The following ATXN1 variants were observed in gnomAD, a reference collection of about 807,000 sequenced individuals.
ATXN1 encodes ataxin 1.
A neutral mutation model predicts 56.4 loss-of-function variants in ATXN1; 8 were observed. The ratio of observed to expected loss-of-function variants is 0.14; its 90% confidence interval spans 0.08 to 0.26. The LOEUF is 0.26. Ranked by LOEUF, ATXN1 falls within the 10% of genes least tolerant of loss-of-function variation. The probability of loss-of-function intolerance (pLI) is 1.00; values close to 1 mark genes in which losing one functional copy is unlikely to be tolerated. For synonymous variants in ATXN1, 514 were observed against 494.6 expected (o/e 1.04, Z -0.52); for missense variants, 987 against 1,106.5 (o/e 0.89, Z 1.53).
intron 4 of ATXN1, among the ~76,000 whole-genome samples, chr6:16,569,038 T>C (rs1180539179): frequency 6.6e-6 from 1 of 152,118 alleles, no homozygotes. Flanking sequence ...TGAAGTAAAG[T>C]AGAAGCAGGT....
chr6:16,598,244 G>C (rs1762851271), intron 3 of ATXN1, among the ~76,000 whole-genome samples: 1 of 152,142 alleles, frequency 6.6e-6, no homozygotes, highest in South Asian at 2.1e-4. Context: ...TGCCGGAACG[G>C]GTTGCCAATG....
intron 2 of ATXN1, among the ~76,000 whole-genome samples, chr6:16,679,417 T>A: frequency 6.7e-6 from 1 of 148,736 alleles, no homozygotes; most frequent in Non-Finnish European, 1.5e-5. Flanking sequence ...GATGGAAGAA[T>A]ACAAGGGAGG....
chr6:16,338,739 T>G (rs1761180290), intron 6 of ATXN1, among the ~76,000 whole-genome samples: 1 of 152,210 alleles, frequency 6.6e-6, no homozygotes, highest in Non-Finnish European at 1.5e-5. Context: ...CTCCTGGCCA[T>G]GATGTAATCA....
intron 4 of ATXN1, among the ~76,000 whole-genome samples, chr6:16,540,851 C>A (rs753371914): frequency 6.6e-6 from 1 of 152,066 alleles, no homozygotes; most frequent in Non-Finnish European, 1.5e-5. Flanking sequence ...TGTTCAATAC[C>A]GTGTTCATAG....
chr6:16,349,493 C>A (rs576861971), intron 6 of ATXN1, among the ~76,000 whole-genome samples: 1 of 151,466 alleles, frequency 6.6e-6, no homozygotes, highest in African/African-American at 2.4e-5. Context: ...CAGAGCGAGA[C>A]TGTGTCTCAA....
chr6:16,378,530 C>G (rs1762189242), intron 6 of ATXN1, among the ~76,000 whole-genome samples: 1 of 148,224 alleles, frequency 6.7e-6, no homozygotes, highest in Non-Finnish European at 1.5e-5. Flanking sequence ...CTGGGCCCCT[C>G]TCTTGACTTT....
chr6:16,651,088 G>A (rs1213663538), intron 3 of ATXN1, among the ~76,000 whole-genome samples: 1 of 152,164 alleles, frequency 6.6e-6, no homozygotes, highest in Non-Finnish European at 1.5e-5. Context: ...TCTTTCATAT[G>A]AGAATTCTCA....
chr6:16,591,751 T>C (rs1762727212), intron 3 of ATXN1, among the ~76,000 whole-genome samples: 1 of 152,158 alleles, frequency 6.6e-6, no homozygotes, highest in Admixed American at 6.6e-5. Flanking sequence ...CAGAATATAC[T>C]CTCAGTAAAC....
At chr6:16,479,114 G>T (rs1187335599) in intron 6 of ATXN1, among the ~76,000 whole-genome samples, 2 of 152,132 alleles carry the variant, frequency 1.3e-5, no homozygotes, top group African/African-American at 4.8e-5. Flanking sequence ...GGAAATAAAA[G>T]ATTATGATAG....
chr6:16,387,856 C>T (rs61601003), intron 6 of ATXN1, among the ~76,000 whole-genome samples: 1,610 of 152,264 alleles, frequency 0.011, 17 homozygotes, highest in African/African-American at 0.037. Context: ...GACCAAACAT[C>T]CACTACATGC....
intron 6 of ATXN1, among the ~76,000 whole-genome samples, chr6:16,358,630 A>G (rs755749179): frequency 6.6e-6 from 1 of 152,150 alleles, no homozygotes; most frequent in Non-Finnish European, 1.5e-5. Context: ...TACTCCATGG[A>G]GCTGGTGGCA....
At chr6:16,581,076 C>T (rs1332190033) in intron 4 of ATXN1, among the ~76,000 whole-genome samples, 1 of 152,028 alleles carries the variant, frequency 6.6e-6, no homozygotes, top group Non-Finnish European at 1.5e-5. Context: ...GGACTCACAA[C>T]CCTACAGTTT....
intron 1 of ATXN1, among the ~76,000 whole-genome samples, chr6:16,759,066 G>A (rs1760977778): frequency 6.6e-6 from 1 of 152,164 alleles, no homozygotes; most frequent in Non-Finnish European, 1.5e-5. Context: ...AGGAACTGCA[G>A]CCTCCTAAAA....
At chr6:16,351,405 GTTT>G (rs35998688) in intron 6 of ATXN1, among the ~76,000 whole-genome samples, 1 of 139,866 alleles carries the variant, frequency 7.1e-6, no homozygotes, top group Admixed American at 7.2e-5. Context: ...TAATTTCAGG[GTTT>G]TTTTTTTTTT....
chr6:16,522,387 C>T (rs1045828167), intron 5 of ATXN1, among the ~76,000 whole-genome samples: 3 of 152,196 alleles, frequency 2.0e-5, no homozygotes, highest in Admixed American at 1.3e-4. Flanking sequence ...ATGATGACCT[C>T]GCACGAGGCA....
At chr6:16,582,875 G>A (rs2113762111) in intron 4 of ATXN1, among the ~76,000 whole-genome samples, 1 of 152,220 alleles carries the variant, frequency 6.6e-6, no homozygotes, top group Admixed American at 6.5e-5. Flanking sequence ...AATACCAAAT[G>A]TTCCATATGG....
chr6:16,456,298 C>T (rs1424037403), intron 6 of ATXN1, among the ~76,000 whole-genome samples: 1 of 152,156 alleles, frequency 6.6e-6, no homozygotes, highest in Non-Finnish European at 1.5e-5. Flanking sequence ...TACCATCAGA[C>T]CCCTTTTGCT....
intron 6 of ATXN1, among the ~76,000 whole-genome samples, chr6:16,337,763 G>A (rs539509844): frequency 6.6e-6 from 1 of 152,188 alleles, no homozygotes; most frequent in African/African-American, 2.4e-5. Context: ...TGCTTTCCAC[G>A]CTGCCTGGAG....
At chr6:16,599,910 T>C (rs1762884124) in intron 3 of ATXN1, among the ~76,000 whole-genome samples, 1 of 152,122 alleles carries the variant, frequency 6.6e-6, no homozygotes, top group Non-Finnish European at 1.5e-5. Flanking sequence ...GATCACTAAA[T>C]CTAACAGTGT....
Sources: allele counts gnomAD v4.1 joint callset (sites outside exome capture counted in the v4.1 genomes callset), GRCh38; gene constraint gnomAD v4.1.1; transcripts MANE v1.5; gene names NCBI Gene and HGNC (gene_info 2026-07-23, HGNC 2026-07-21).